GALNT18: variants seen among roughly 807,000 people sequenced by gnomAD.
GALNT18 encodes the protein GalNAc-transferase 18.
GALNT18 carries 44 observed loss-of-function variants against 69.5 expected under a neutral mutation model. The observed-to-expected ratio is 0.63, with a 90% confidence interval of 0.50 to 0.81. The LOEUF (loss-of-function observed/expected upper bound fraction) is 0.81. GALNT18 is among the 40% of genes least tolerant of loss of function. GALNT18 has a pLI of 0.00. For missense variants in GALNT18, 715 were observed against 810.0 expected, an observed-to-expected ratio of 0.88 and a Z score of 1.42; for synonymous variants, 364 against 318.2, an observed-to-expected ratio of 1.14 and a Z score of -1.53.
chr11:11,358,826 A>ACACACACACACACAC (rs1850583904), intron 6 of GALNT18, among the ~76,000 whole-genome samples: 1 of 110,822 alleles, frequency 9.0e-6, no homozygotes, highest in Admixed American at 9.0e-5. Context: ...ATCCACACAA[A>ACACACACACACACAC]ACACACACAC....
chr11:11,349,752 T>C (rs1240932161), intron 6 of GALNT18, among the ~76,000 whole-genome samples: 1 of 152,226 alleles, frequency 6.6e-6, no homozygotes, highest in East Asian at 1.9e-4. Flanking sequence ...TCTCCCAGGT[T>C]TCCTGGGGTA....
intron 1 of GALNT18, among the ~76,000 whole-genome samples, chr11:11,580,903 C>G (rs1235697960): frequency 1.3e-5 from 2 of 152,234 alleles, no homozygotes; most frequent in African/African-American, 2.4e-5. Context: ...GGCATTGTGA[C>G]TTTTGTAATC....
intron 3 of GALNT18, among the ~76,000 whole-genome samples, chr11:11,418,218 C>T (rs980705292): frequency 7.9e-5 from 12 of 152,144 alleles, no homozygotes; most frequent in African/African-American, 2.7e-4. Flanking sequence ...TCGGGTGAGG[C>T]TTTGTAGGAA....
chr11:11,407,944 G>A (rs1309907251), intron 3 of GALNT18, among the ~76,000 whole-genome samples: 2 of 152,204 alleles, frequency 1.3e-5, no homozygotes, highest in Non-Finnish European at 2.9e-5. Flanking sequence ...CCTTGAAGCA[G>A]TGTGTCCTGA....
chr11:11,337,815 T>G lies in GALNT18; in HGVS notation c.1278+3004A>C, dbSNP rs4909988. Among the ~76,000 whole-genome samples, 25,492 of 151,926 alleles carry G rather than the reference T, an allele frequency of 0.17. 2,607 individuals are homozygous for G. Among genetic ancestry groups the G allele is most frequent in the Admixed American group, 0.33 (5,106 of 15,258 alleles). On this transcript the variant is annotated intron_variant, in intron 7 of 10. Transcript: ENST00000227756. This position sits in a 1 kb window ranked among gnomAD's most constrained non-coding sequence, Gnocchi z 4.9. ...ATAGTCCACGCAACGTATGCAGACTTCAAAACAGGGAGTGGTAGGCAGTGG... is the reference window on the plus strand; with the variant it reads ...ATAGTCCACGCAACGTATGCAGACTGCAAAACAGGGAGTGGTAGGCAGTGG...
At chr11:11,485,983 T>C (rs1283009169) in intron 1 of GALNT18, among the ~76,000 whole-genome samples, 1 of 152,234 alleles carries the variant, frequency 6.6e-6, no homozygotes, top group Admixed American at 6.5e-5. Flanking sequence ...TGGTGGAATC[T>C]GCAGACTATC....
At chr11:11,457,639 C>T (rs1028765931) in intron 1 of GALNT18, among the ~76,000 whole-genome samples, 1 of 152,208 alleles carries the variant, frequency 6.6e-6, no homozygotes, top group Non-Finnish European at 1.5e-5. Context: ...ACCCCTGGCC[C>T]GCTGCCCAAG....
intron 9 of GALNT18, among the ~76,000 whole-genome samples, chr11:11,297,559 C>T (rs1278506448): frequency 6.6e-6 from 1 of 152,096 alleles, no homozygotes; most frequent in African/African-American, 2.4e-5. Context: ...GCAGGGGGAG[C>T]CGGGAGAGGA....
intron 1 of GALNT18, among the ~76,000 whole-genome samples, chr11:11,495,385 T>C (rs189328413): frequency 6.6e-6 from 1 of 152,196 alleles, no homozygotes; most frequent in East Asian, 1.9e-4. Context: ...TCCCCCAAAA[T>C]GAATTGAACA....
rs1033773647 is a variant in GALNT18 at position 11,463,200 on chromosome 11, A to G, written c.236-14264T>C. Among the ~76,000 whole-genome samples, 5 of 110,324 alleles carry G rather than the reference A, an allele frequency of 4.5e-5. No individual in the cohort carries two copies. In the Admixed American group the frequency reaches 4.8e-4, roughly 11 times the overall value. The allele number at this position is 110,324 out of a possible 152,430, so 72.4% of individuals were successfully genotyped here. A position where few individuals can be genotyped will look rare whatever the true frequency, so the allele number is the denominator to read the frequency against. Reference sequence around the variant, plus strand: ...CACACATGGACATACACACTCAGACAGACAGACAGACACACACACACACAC... The same window carrying G: ...CACACATGGACATACACACTCAGACGGACAGACAGACACACACACACACAC... On this transcript the variant is annotated intron_variant, in intron 1 of 10. Transcript: ENST00000227756. The surrounding 1 kb of genome is among the most constrained non-coding windows in gnomAD (Gnocchi z 4.2).
In GALNT18 at chr11:11,332,889, A is replaced by T; in HGVS notation, c.1279-58T>A. On this transcript the variant is annotated intron_variant, in intron 7 of 10. Coordinates refer to ENST00000227756, the MANE Select transcript of GALNT18 (RefSeq NM_198516.3). This position sits in a 1 kb window ranked among gnomAD's most constrained non-coding sequence, Gnocchi z 4.3. The stretch of plus-strand genomic sequence containing the variant: ...ACTCCCAGGTTGCAGCTTCTCCCCA[A>T]ACTCTACTTTGGCATGACCTTGTGC... 1 of 1,590,900 alleles carries T rather than the reference A, an allele frequency of 6.3e-7. No homozygotes were observed. Among genetic ancestry groups the T allele is most frequent in the Non-Finnish European group, 8.6e-7 (1 of 1,169,290 alleles).
At chr11:11,335,627 G>A (rs1289964185) in intron 7 of GALNT18, among the ~76,000 whole-genome samples, 1 of 152,126 alleles carries the variant, frequency 6.6e-6, no homozygotes, top group East Asian at 1.9e-4. Context: ...ATTAATTCAG[G>A]ATCTCAAAAT....
chr11:11,574,146 T>C (rs1858863498), intron 1 of GALNT18, among the ~76,000 whole-genome samples: 1 of 152,162 alleles, frequency 6.6e-6, no homozygotes, highest in Non-Finnish European at 1.5e-5. Context: ...TACTGCCTCA[T>C]AAGAAGTTCT....
intron 1 of GALNT18, among the ~76,000 whole-genome samples, chr11:11,504,892 A>T (rs578203449): frequency 6.6e-6 from 1 of 152,332 alleles, no homozygotes; most frequent in South Asian, 2.1e-4. Context: ...AGATGAACCA[A>T]GTTCCTAAGA....
intron 9 of GALNT18, among the ~76,000 whole-genome samples, chr11:11,301,031 TC>T (rs2133016848): frequency 6.6e-6 from 1 of 152,234 alleles, no homozygotes; most frequent in Admixed American, 6.5e-5. Flanking sequence ...GGGGAACTTA[TC>T]CCTATCTGCA....
In GALNT18 at chr11:11,583,717, G is replaced by A. The variant is rs1236313941; in HGVS notation, c.235+37642C>T. On this transcript the variant is annotated intron_variant, in intron 1 of 10. Coordinates refer to ENST00000227756, the MANE Select transcript of GALNT18 (RefSeq NM_198516.3). The surrounding 1 kb of genome is among the most constrained non-coding windows in gnomAD (Gnocchi z 4.7). Reference sequence around the variant, plus strand: ...AAAGCCCTGACCACATACGTGGTCAGGGAAAATGCTTAAAGCTTCAGCTCC... The same window carrying A: ...AAAGCCCTGACCACATACGTGGTCAAGGAAAATGCTTAAAGCTTCAGCTCC... Among the ~76,000 whole-genome samples, 2 of 152,112 alleles carry A rather than the reference G, an allele frequency of 1.3e-5. No homozygotes were observed. The highest frequency in any genetic ancestry group is 4.8e-5 in the African/African-American group (2 of 41,416).
rs541178164 is a variant in GALNT18, at chr11:11,546,647, G to A, written c.235+74712C>T. On this transcript the variant is annotated intron_variant, in intron 1 of 10. Coordinates refer to ENST00000227756, the MANE Select transcript of GALNT18 (RefSeq NM_198516.3). This position sits in a 1 kb window ranked among gnomAD's most constrained non-coding sequence, Gnocchi z 5.8. ...GCCAACCTACCTAGTGTTATCTACT[G>A]TCCACATACTCTGACCTCTAACCAT... 1.4e-4 allele frequency among the ~76,000 whole-genome samples: 22 copies of A among 152,312 alleles called. No homozygotes were observed. Among genetic ancestry groups the A allele is most frequent in the African/African-American group, 5.1e-4 (21 of 41,574 alleles).
intron 3 of GALNT18, among the ~76,000 whole-genome samples, chr11:11,381,010 C>T (rs1853902855): frequency 6.6e-6 from 1 of 152,192 alleles, no homozygotes; most frequent in Non-Finnish European, 1.5e-5. Context: ...GACTTCTGGG[C>T]TGCCACTGAC....
chr11:11,283,191 G>A (rs1849119805), intron 10 of GALNT18, among the ~76,000 whole-genome samples: 1 of 152,258 alleles, frequency 6.6e-6, no homozygotes, highest in Admixed American at 6.5e-5. Context: ...GTCTCACTCT[G>A]TCACACAGGC....
Sources: allele counts gnomAD v4.1 joint callset (sites outside exome capture counted in the v4.1 genomes callset), GRCh38; gene constraint gnomAD v4.1.1; non-coding constraint Gnocchi (gnomAD v3.1); transcripts MANE v1.5; gene names NCBI Gene and HGNC (gene_info 2026-07-23, HGNC 2026-07-21).